Variants in GPM6A observed in about 807,000 individuals in gnomAD.
The protein encoded by GPM6A is neuronal membrane glycoprotein M6-a.
GPM6A carries 7 observed loss-of-function variants against 32.1 expected under a neutral mutation model. The ratio of observed to expected loss-of-function variants is 0.22; its 90% CI spans 0.12 to 0.41. GPM6A has a LOEUF of 0.41. Ranked by LOEUF, GPM6A falls within the 10% of genes least tolerant of loss-of-function variation. The probability of loss-of-function intolerance (pLI) is 1.00; values close to 1 mark genes in which losing one functional copy is unlikely to be tolerated. For missense variants in GPM6A, 235 were observed against 347.2 expected (o/e 0.68, Z 2.57); for synonymous variants, 130 against 123.4 (o/e 1.05, Z -0.35).
intron 1 of GPM6A, chr4:176,002,280 G>C: frequency 6.3e-7 from 1 of 1,598,340 alleles, no homozygotes; most frequent in Non-Finnish European, 8.5e-7. Context: ...GCCTTTGGGC[G>C]AGGTGTACGC....
chr4:175,865,461 A>G (rs1736705446), intron 1 of GPM6A, among the ~76,000 whole-genome samples: 1 of 152,216 alleles, frequency 6.6e-6, no homozygotes, highest in Non-Finnish European at 1.5e-5. Context: ...ATATTTCTAC[A>G]AAAAATCTGA....
intron 6 of GPM6A, among the ~76,000 whole-genome samples, chr4:175,636,285 T>TATATATATATATAC (rs1740600030): frequency 8.7e-5 from 12 of 138,410 alleles, no homozygotes; most frequent in Middle Eastern, 3.8e-3. Context: ...TATATATATA[T>TATATATATATATAC]ATATATATAT....
intron 1 of GPM6A, among the ~76,000 whole-genome samples, chr4:175,984,195 C>T (rs1344507588): frequency 6.6e-6 from 1 of 152,128 alleles, no homozygotes; most frequent in African/African-American, 2.4e-5. Context: ...CGAAGTCTTG[C>T]TCTGTCACCC....
chr4:175,654,676 A>G (rs191954444), intron 3 of GPM6A, among the ~76,000 whole-genome samples: 1 of 152,196 alleles, frequency 6.6e-6, no homozygotes, highest in Admixed American at 6.6e-5. Flanking sequence ...GAAAGCCTCC[A>G]GAAATTCTTG....
chr4:175,748,061 G>A (rs1229462176), intron 1 of GPM6A, among the ~76,000 whole-genome samples: 2 of 152,086 alleles, frequency 1.3e-5, no homozygotes, highest in African/African-American at 4.8e-5. Flanking sequence ...TAGCAATTCA[G>A]TCACATCTTC....
At chr4:175,707,180 T>C (rs902091357) in intron 1 of GPM6A, among the ~76,000 whole-genome samples, 1 of 152,212 alleles carries the variant, frequency 6.6e-6, no homozygotes, top group South Asian at 2.1e-4. Flanking sequence ...CCATTCTTTA[T>C]CCCTTTACTT....
At chr4:175,856,405 C>T (rs994069544) in intron 1 of GPM6A, among the ~76,000 whole-genome samples, 5 of 152,174 alleles carry the variant, frequency 3.3e-5, no homozygotes, top group African/African-American at 1.2e-4. Context: ...ATGGCAAGTG[C>T]TTTTGGGCAC....
At chr4:175,911,592 A>C (rs1738321241) in intron 1 of GPM6A, among the ~76,000 whole-genome samples, 1 of 152,240 alleles carries the variant, frequency 6.6e-6, no homozygotes, top group South Asian at 2.1e-4. Flanking sequence ...AGTTAGGGTG[A>C]AAAGTGATGA....
chr4:175,849,615 A>G (rs1437837052), intron 1 of GPM6A, among the ~76,000 whole-genome samples: 1 of 152,220 alleles, frequency 6.6e-6, no homozygotes, highest in Non-Finnish European at 1.5e-5. Context: ...AAACAGTTGT[A>G]CTATACTAAT....
At chr4:175,883,823 T>C (rs910836863) in intron 1 of GPM6A, among the ~76,000 whole-genome samples, 1 of 152,170 alleles carries the variant, frequency 6.6e-6, no homozygotes. Flanking sequence ...CACTAAGGTA[T>C]TACACAAACT....
At chr4:175,775,244 A>G (rs1480312470) in intron 1 of GPM6A, among the ~76,000 whole-genome samples, 1 of 152,148 alleles carries the variant, frequency 6.6e-6, no homozygotes, top group Non-Finnish European at 1.5e-5. Flanking sequence ...ACCTAATAAA[A>G]TTTCAGAAAA....
At chr4:175,777,636 T>TA (rs1254558006) in intron 1 of GPM6A, among the ~76,000 whole-genome samples, 54 of 152,168 alleles carry the variant, frequency 3.5e-4, no homozygotes, top group Admixed American at 6.5e-4. Context: ...GTAATGCAGT[T>TA]GATTTTTAAC....
chr4:175,937,630 A>G (rs1379386433), intron 1 of GPM6A, among the ~76,000 whole-genome samples: 7 of 152,192 alleles, frequency 4.6e-5, no homozygotes, highest in Admixed American at 4.6e-4. Flanking sequence ...GAAAACAGTG[A>G]TCACCTATGG....
chr4:175,817,147 C>T (rs1279895356), upstream of GPM6A, among the ~76,000 whole-genome samples: 3 of 152,168 alleles, frequency 2.0e-5, no homozygotes, highest in East Asian at 1.9e-4. Flanking sequence ...CGTGAGCCAC[C>T]GCCCCGCGGC....
chr4:175,774,416 G>A (rs1733312876), intron 1 of GPM6A, among the ~76,000 whole-genome samples: 1 of 151,966 alleles, frequency 6.6e-6, no homozygotes, highest in Non-Finnish European at 1.5e-5. Flanking sequence ...TAAGTCATTA[G>A]ATTCCTCTCC....
intron 1 of GPM6A, among the ~76,000 whole-genome samples, chr4:175,758,735 G>A (rs541610054): frequency 3.2e-4 from 48 of 152,252 alleles, no homozygotes; most frequent in South Asian, 3.1e-3. Context: ...ATAAATACAA[G>A]ATGCTGACTA....
intron 2 of GPM6A, among the ~76,000 whole-genome samples, chr4:175,681,950 G>A (rs1366771825): frequency 6.6e-6 from 1 of 152,202 alleles, no homozygotes; most frequent in African/African-American, 2.4e-5. Flanking sequence ...AGCAGGCAGA[G>A]GTTGAGAGAG....
intron 1 of GPM6A, among the ~76,000 whole-genome samples, chr4:175,941,396 TA>T (rs961210924): frequency 2.6e-5 from 4 of 152,136 alleles, no homozygotes; most frequent in African/African-American, 7.2e-5. Flanking sequence ...TTTTCTTTTT[TA>T]AAAAAATTAT....
chr4:175,776,537 C>CT (rs1383120963), intron 1 of GPM6A, among the ~76,000 whole-genome samples: 1 of 152,158 alleles, frequency 6.6e-6, no homozygotes, highest in Non-Finnish European at 1.5e-5. Flanking sequence ...TGTTCAGTCT[C>CT]TAATATATTC....
Sources: gnomAD v4.1 joint callset for allele counts (sites outside exome capture counted in the v4.1 genomes callset) on GRCh38, gnomAD v4.1.1 for gene constraint, MANE v1.5 for transcripts, NCBI Gene and HGNC (gene_info 2026-07-23, HGNC 2026-07-21) for gene names.